Variants in MCTP2 observed in about 807,000 individuals in gnomAD.
MCTP2 encodes multiple C2 and transmembrane domain containing 2.
In MCTP2, 132 loss-of-function variants were observed where a neutral mutation model predicts 111.6. The ratio of observed to expected loss-of-function variants is 1.18; its 90% confidence interval spans 1.03 to 1.37. The LOEUF is 1.37. Ranked by LOEUF, MCTP2 falls within the 40% of genes most tolerant of loss-of-function variation. The pLI, the probability that MCTP2 is intolerant of heterozygous loss-of-function variation, is 0.00. For missense variants in MCTP2, 1,183 were observed against 1,067.9 expected (o/e 1.11, Z -1.50); for synonymous variants, 395 against 387.7 (o/e 1.02, Z -0.22).
chr15:94,241,559 A>G (rs2070959414), intron 1 of MCTP2, among the ~76,000 whole-genome samples: 1 of 152,136 alleles, frequency 6.6e-6, no homozygotes, highest in Non-Finnish European at 1.5e-5. Context: ...CTTACAAGGC[A>G]TTTGTATTAT....
intron 17 of MCTP2, among the ~76,000 whole-genome samples, chr15:94,405,336 T>C (rs2152480009): frequency 6.6e-6 from 1 of 152,364 alleles, no homozygotes; most frequent in South Asian, 2.1e-4. Flanking sequence ...TCATGTTTAA[T>C]CTATTCTCAA....
At position 94,461,036 on chromosome 15, in the gene MCTP2, C is replaced by T. The variant is rs181607978; in HGVS notation, c.2360+2790C>T. Among the ~76,000 whole-genome samples, 369 of 152,270 alleles carry T rather than the reference C, an allele frequency of 2.4e-3. 2 individuals are homozygous for T. Among genetic ancestry groups the T allele is most frequent in the Non-Finnish European group, 4.4e-3 (301 of 68,024 alleles). On this transcript the variant is annotated intron_variant, in intron 20 of 22. Coordinates refer to ENST00000357742, the MANE Select transcript of MCTP2 (RefSeq NM_001385001.1). ...TGATACTGATGGGTTGGGGGGGACC[C>T]CAGTGGTGTTGCATTTATGTGGAAT...
intron 19 of MCTP2, among the ~76,000 whole-genome samples, chr15:94,450,503 G>T (rs2084378316): frequency 6.6e-6 from 1 of 152,176 alleles, no homozygotes; most frequent in Non-Finnish European, 1.5e-5. Context: ...CTTGTTCTTT[G>T]TTATGACAGA....
chr15:94,335,269 A>G (rs12912946), intron 4 of MCTP2, among the ~76,000 whole-genome samples: 66,839 of 151,642 alleles, frequency 0.44, 14,947 homozygotes, highest in Admixed American at 0.52. Context: ...CAGATGAGCC[A>G]AAGGCTTAAG....
chr15:94,268,180 C>CTTT (rs371485797), intron 1 of MCTP2, among the ~76,000 whole-genome samples: 17 of 134,434 alleles, frequency 1.3e-4, no homozygotes, highest in Admixed American at 2.3e-4. Flanking sequence ...TTCATTCTTT[C>CTTT]TTTCTTTTTT....
chr15:94,434,857 C>CTTTTTTTTTT (rs751539621), intron 17 of MCTP2, among the ~76,000 whole-genome samples: 1 of 139,052 alleles, frequency 7.2e-6, no homozygotes, highest in African/African-American at 2.7e-5. Flanking sequence ...TTCTTTCTTT[C>CTTTTTTTTTT]TTTTTTTTTT....
intron 19 of MCTP2, among the ~76,000 whole-genome samples, chr15:94,445,192 A>G (rs1446565082): frequency 1.3e-5 from 2 of 152,122 alleles, no homozygotes; most frequent in East Asian, 3.9e-4. Flanking sequence ...CATGGCCCAA[A>G]CCCATACCAG....
rs2084034060 is a variant in MCTP2, at chr15:94,444,954, G to A, written c.2250+1994G>A. Among the ~76,000 whole-genome samples the A allele has an allele frequency of 2.0e-5, 3 of 152,240 alleles. No homozygotes were observed. The South Asian group carries it at 6.2e-4, about 32-fold the overall frequency. On this transcript the variant is annotated intron_variant, in intron 19 of 22. Coordinates refer to ENST00000357742, the MANE Select transcript of MCTP2 (RefSeq NM_001385001.1). ...GAGAGTATCCAACAAGATGATGAAT[G>A]GAAACATGGTATTCAGTGACTGGCA...
intron 20 of MCTP2, among the ~76,000 whole-genome samples, chr15:94,458,988 C>T (rs1198402325): frequency 6.6e-6 from 1 of 151,800 alleles, no homozygotes; most frequent in Admixed American, 6.6e-5. Context: ...TAGCTAAACT[C>T]TCTAATGGAA....
At chr15:94,305,030 T>C (rs1334206564) in intron 2 of MCTP2, among the ~76,000 whole-genome samples, 1 of 152,192 alleles carries the variant, frequency 6.6e-6, no homozygotes, top group African/African-American at 2.4e-5. Flanking sequence ...GTCTGGGTGC[T>C]GACGGATAAA....
chr15:94,431,445 C>T (rs1193944468), intron 17 of MCTP2, among the ~76,000 whole-genome samples: 1 of 152,128 alleles, frequency 6.6e-6, no homozygotes, highest in African/African-American at 2.4e-5. Context: ...ACTGTTAAAT[C>T]ATGAAGTCTG....
rs545769658 is a variant in MCTP2 at position 94,378,692 on chromosome 15, G to T, written c.1583-5330G>T. On this transcript the variant is annotated intron_variant, in intron 12 of 22. Transcript: ENST00000357742. ...TTGCAGTCCTAGTATGGACCTGTCTGCCCCTTGTTCTAGACATCTGTCACA... is the reference window on the plus strand; with the variant it reads ...TTGCAGTCCTAGTATGGACCTGTCTTCCCCTTGTTCTAGACATCTGTCACA... 1.3e-4 allele frequency among the ~76,000 whole-genome samples: 20 copies of T among 152,270 alleles called. No homozygotes were observed. In the South Asian group the frequency reaches 3.9e-3, roughly 30 times the overall value.
intron 2 of MCTP2, among the ~76,000 whole-genome samples, chr15:94,304,795 C>A (rs1434370179): frequency 6.6e-6 from 1 of 152,170 alleles, no homozygotes; most frequent in Non-Finnish European, 1.5e-5. Context: ...CTAGGGCCAC[C>A]TTTATCCATC....
chr15:94,452,258 A>G (rs2084508911), intron 19 of MCTP2, among the ~76,000 whole-genome samples: 2 of 152,250 alleles, frequency 1.3e-5, no homozygotes, highest in Non-Finnish European at 2.9e-5. Flanking sequence ...GACCCATAAA[A>G]TCAATAGCAT....
chr15:94,298,294 G>T lies in MCTP2; in HGVS notation c.29G>T (p.Gly10Val). Residue 10 changes from glycine (G) to valine (V), a missense_variant, in exon 2 of 23, where the codon GGC becomes GTC. By Grantham distance (109) the Gly-to-Val change is moderately radical (BLOSUM62 -3). Coordinates refer to ENST00000357742, the MANE Select transcript of MCTP2 (RefSeq NM_001385001.1). MDLDKPSVW[G>V]SLKQRTRPLL... ...GATCTGGATAAACCATCTGTTTGGG[G>T]CTCATTAAAACAGCGGACCAGGCCA... 6.2e-7 allele frequency: 1 copy of T among 1,613,532 alleles called. No individual in the cohort carries two copies. Among genetic ancestry groups the T allele is most frequent in the East Asian group, 2.2e-5 (1 of 44,884 alleles).
At chr15:94,361,895 G>A (rs1216678844) in intron 10 of MCTP2, among the ~76,000 whole-genome samples, 1 of 152,128 alleles carries the variant, frequency 6.6e-6, no homozygotes, top group Non-Finnish European at 1.5e-5. Context: ...AATCACATTG[G>A]CATGGGTAGG....
At chr15:94,359,186 G>A (rs1429276465) in intron 10 of MCTP2, among the ~76,000 whole-genome samples, 3 of 152,178 alleles carry the variant, frequency 2.0e-5, no homozygotes, top group Non-Finnish European at 4.4e-5. Context: ...CATAGGTGCT[G>A]TAACCCGCGT....
At chr15:94,398,249 A>G (rs2081378389) in intron 14 of MCTP2, among the ~76,000 whole-genome samples, 2 of 152,150 alleles carry the variant, frequency 1.3e-5, no homozygotes, top group Non-Finnish European at 2.9e-5. Context: ...CTTAATTTGC[A>G]TTGTTTCCTG....
chr15:94,374,923 G>T (rs1020839356), intron 12 of MCTP2, among the ~76,000 whole-genome samples: 5 of 152,254 alleles, frequency 3.3e-5, no homozygotes, highest in Middle Eastern at 3.4e-3. Flanking sequence ...TGCAGTATAG[G>T]CTTCAATATC....
Sources: gnomAD v4.1 joint callset for allele counts (sites outside exome capture counted in the v4.1 genomes callset) on GRCh38, gnomAD v4.1.1 for gene constraint, MANE v1.5 for transcripts, NCBI Gene and HGNC (gene_info 2026-07-23, HGNC 2026-07-21) for gene names.